Variants in RAD51B observed in about 807,000 individuals in gnomAD.
RAD51B encodes RAD51 paralog B.
A neutral mutation model predicts 42.2 loss-of-function variants in RAD51B; 38 were observed. The observed-to-expected ratio is 0.90, with a 90% CI of 0.70 to 1.18. RAD51B has a LOEUF of 1.18. Ranked by LOEUF, RAD51B falls within the 50% of genes most tolerant of loss-of-function variation. The probability of loss-of-function intolerance (pLI) is 0.00; values close to 1 mark genes in which losing one functional copy is unlikely to be tolerated. For synonymous variants in RAD51B, 154 were observed against 145.2 expected, an observed-to-expected ratio of 1.06 and a Z score of -0.43; for missense variants, 373 against 400.7, an observed-to-expected ratio of 0.93 and a Z score of 0.59.
chr14:68,315,737 T>G (rs1388965152), intron 8 of RAD51B, among the ~76,000 whole-genome samples: 1 of 152,170 alleles, frequency 6.6e-6, no homozygotes, highest in Non-Finnish European at 1.5e-5. Context: ...TTAGCCAGGA[T>G]AGTCTCCATC....
At chr14:68,524,675 GC>G (rs1886810382) in intron 10 of RAD51B, among the ~76,000 whole-genome samples, 1 of 152,214 alleles carries the variant, frequency 6.6e-6, no homozygotes, top group Non-Finnish European at 1.5e-5. Flanking sequence ...AGGATTCCAG[GC>G]TGCCTGTGTC....
intron 10 of RAD51B, among the ~76,000 whole-genome samples, chr14:68,567,789 C>G (rs955147143): frequency 3.3e-5 from 5 of 152,238 alleles, no homozygotes; most frequent in Admixed American, 2.6e-4. Context: ...AGAAGAACAC[C>G]CTTGGCTGTG....
At chr14:68,119,359 G>A (rs1323325666) in intron 7 of RAD51B, among the ~76,000 whole-genome samples, 1 of 146,248 alleles carries the variant, frequency 6.8e-6, no homozygotes, top group Non-Finnish European at 1.5e-5. Context: ...GGGTACATGT[G>A]CACAATGTGC....
At chr14:68,192,856 G>A (rs1021481550) in intron 7 of RAD51B, among the ~76,000 whole-genome samples, 1 of 152,236 alleles carries the variant, frequency 6.6e-6, no homozygotes, top group Non-Finnish European at 1.5e-5. Flanking sequence ...TTTCTGAATG[G>A]ATTTTGGAAT....
intron 4 of RAD51B, among the ~76,000 whole-genome samples, chr14:67,849,822 C>A (rs1311571510): frequency 6.6e-6 from 1 of 152,000 alleles, no homozygotes; most frequent in Non-Finnish European, 1.5e-5. Context: ...TCTTTTATAT[C>A]TTTGAGTTTC....
chr14:68,551,948 C>G (rs1272233798), intron 10 of RAD51B, among the ~76,000 whole-genome samples: 1 of 152,186 alleles, frequency 6.6e-6, no homozygotes, highest in African/African-American at 2.4e-5. Context: ...TTCTATTACT[C>G]TCATGAAGAC....
At chr14:68,534,908 G>A (rs1887527359) in intron 10 of RAD51B, among the ~76,000 whole-genome samples, 1 of 152,108 alleles carries the variant, frequency 6.6e-6, no homozygotes, top group Non-Finnish European at 1.5e-5. Flanking sequence ...GAGCACTAAT[G>A]TGCCAAGGGT....
intron 4 of RAD51B, among the ~76,000 whole-genome samples, chr14:67,857,322 A>G (rs767068874): frequency 3.3e-5 from 5 of 152,194 alleles, no homozygotes; most frequent in Non-Finnish European, 5.9e-5. Context: ...CCAAACTCTA[A>G]TCCAAACTCA....
chr14:68,606,975 T>C (rs1891471803), intron 10 of RAD51B, among the ~76,000 whole-genome samples: 2 of 152,182 alleles, frequency 1.3e-5, no homozygotes, highest in African/African-American at 2.4e-5. Flanking sequence ...TTAGGGAGTG[T>C]CACATGTAAA....
intron 10 of RAD51B, chr14:68,497,353 A>C: frequency 4.9e-6 from 6 of 1,231,992 alleles, no homozygotes; most frequent in Non-Finnish European, 6.2e-6. Flanking sequence ...AGTAATCTGC[A>C]TCATAAGCTG....
intron 10 of RAD51B, chr14:68,540,166 CTT>C (rs11321834): frequency 0.12 from 70,470 of 567,222 alleles, 79 homozygotes; most frequent in Middle Eastern, 0.15. Flanking sequence ...TACCCTGCTC[CTT>C]TTTTTTTTTT....
At chr14:68,515,382 C>T (rs1264065332) in intron 10 of RAD51B, among the ~76,000 whole-genome samples, 3 of 151,118 alleles carry the variant, frequency 2.0e-5, no homozygotes, top group Non-Finnish European at 4.4e-5. Flanking sequence ...CAAAGATAGA[C>T]AGCAAAGACA....
At chr14:68,201,901 A>T (rs1320795166) in intron 7 of RAD51B, among the ~76,000 whole-genome samples, 1 of 152,224 alleles carries the variant, frequency 6.6e-6, no homozygotes, top group Non-Finnish European at 1.5e-5. Context: ...AGACAACATC[A>T]GAAAGGGAGT....
intron 4 of RAD51B, among the ~76,000 whole-genome samples, chr14:67,855,643 A>G (rs2041970426): frequency 1.3e-5 from 2 of 152,244 alleles, no homozygotes; most frequent in South Asian, 2.1e-4. Context: ...AGCACGAGCC[A>G]TGTAACAGAA....
In RAD51B at chr14:68,390,480, A is replaced by G. The variant is rs951690771; in HGVS notation, c.854-20944A>G. ...ACACTAGTGTTCTGACATTGAGTTT[A>G]CACTGCAGGGATGAGAGAAGTAAAT... is the stretch of plus-strand genomic sequence containing the variant. On this transcript the variant is annotated intron_variant, in intron 8 of 10. Transcript: ENST00000471583. 2.0e-5 allele frequency among the ~76,000 whole-genome samples: 3 copies of G among 152,334 alleles called. No individual in the cohort carries two copies. In the East Asian group the frequency reaches 5.8e-4, roughly 29 times the overall value.
At chr14:68,207,785 C>T (rs1357265391) in intron 7 of RAD51B, among the ~76,000 whole-genome samples, 2 of 151,672 alleles carry the variant, frequency 1.3e-5, no homozygotes, top group Admixed American at 1.3e-4. Flanking sequence ...CGAGACTGGG[C>T]CTTTGGATTT....
intron 8 of RAD51B, among the ~76,000 whole-genome samples, chr14:68,355,178 G>A (rs2082875230): frequency 6.6e-6 from 1 of 152,094 alleles, no homozygotes; most frequent in African/African-American, 2.4e-5. Context: ...TATTTTTTAT[G>A]TCCCATTTCT....
Position 67,886,980 on chromosome 14 carries a change from T to A in RAD51B, c.573-41T>A, listed in dbSNP as rs112272290. The A allele has an allele frequency of 4.3e-5, 55 of 1,265,112 alleles. No homozygotes were observed. The African/African-American group carries it at 7.8e-4, about 18-fold the overall frequency. The allele number at this position is 1,265,112 out of a possible 1,614,324, so 78.4% of individuals were successfully genotyped here. A position where few individuals can be genotyped will look rare whatever the true frequency, so the allele number is the denominator to read the frequency against. ...GCAATACCTTTATTTATTTATTTTATCTTAAATTTATTGACTATTTTATAA... is the reference window on the plus strand; with the variant it reads ...GCAATACCTTTATTTATTTATTTTAACTTAAATTTATTGACTATTTTATAA... On this transcript the variant is annotated intron_variant, in intron 6 of 10. Transcript: ENST00000471583.
At chr14:67,900,025 T>A in intron 7 of RAD51B, among the ~76,000 whole-genome samples, 1 of 152,238 alleles carries the variant, frequency 6.6e-6, no homozygotes, top group Non-Finnish European at 1.5e-5. Context: ...AACTTTTCAA[T>A]ACTTATTGTT....
Sources: allele counts gnomAD v4.1 joint callset (sites outside exome capture counted in the v4.1 genomes callset), GRCh38; gene constraint gnomAD v4.1.1; transcripts MANE v1.5; gene names NCBI Gene and HGNC (gene_info 2026-07-23, HGNC 2026-07-21).